ADAMTS12: variants seen among roughly 807,000 people sequenced by gnomAD.
ADAMTS12 encodes A disintegrin and metalloproteinase with thrombospondin motifs 12.
Under a neutral mutation model 167.8 loss-of-function variants are expected in ADAMTS12, and 118 were observed. The ratio of observed to expected loss-of-function variants is 0.70; its 90% CI spans 0.61 to 0.82. The LOEUF (loss-of-function observed/expected upper bound fraction) is 0.82, where lower values mean the gene tolerates loss of function less well. Ranked by LOEUF, ADAMTS12 falls within the 40% of genes least tolerant of loss-of-function variation. ADAMTS12 has a pLI of 0.00. For synonymous variants in ADAMTS12, 704 were observed against 716.9 expected, an observed-to-expected ratio of 0.98 and a Z score of 0.29; for missense variants, 1,916 against 1,998.8, an observed-to-expected ratio of 0.96 and a Z score of 0.79.
intron 19 of ADAMTS12, among the ~76,000 whole-genome samples, chr5:33,567,191 G>A (rs1002303247): frequency 6.6e-6 from 1 of 152,134 alleles, no homozygotes; most frequent in Non-Finnish European, 1.5e-5. Flanking sequence ...TATTTTAATG[G>A]TTCTGATATC....
rs577278159 is a variant in ADAMTS12 at position 33,714,765 on chromosome 5, A to T, written c.635-30710T>A. ...AAAAGTTGATCTCATAGAAGTAAAGAGTAGAATGATAGTTATCAGAGGTTG... is the reference window on the plus strand; with the variant it reads ...AAAAGTTGATCTCATAGAAGTAAAGTGTAGAATGATAGTTATCAGAGGTTG... On this transcript the variant is annotated intron_variant, in intron 3 of 23. Transcript: ENST00000504830. 2.5e-4 allele frequency among the ~76,000 whole-genome samples: 38 copies of T among 152,224 alleles called. 1 individual carries two copies. The South Asian group carries it at 3.5e-3, about 14-fold the overall frequency.
intron 2 of ADAMTS12, among the ~76,000 whole-genome samples, chr5:33,872,640 A>G (rs192942190): frequency 2.0e-5 from 3 of 152,272 alleles, no homozygotes; most frequent in Admixed American, 1.3e-4. Context: ...AACTGAACCC[A>G]ACAATGTATA....
intron 5 of ADAMTS12, 68 bp from the exon 6 acceptor site, chr5:33,662,108 A>G: frequency 6.3e-7 from 1 of 1,575,064 alleles, no homozygotes; most frequent in South Asian, 1.1e-5. Flanking sequence ...TGCATTAGGC[A>G]TTCATCTCCA....
intron 21 of ADAMTS12, among the ~76,000 whole-genome samples, chr5:33,547,702 C>G (rs1226530009): frequency 1.3e-5 from 2 of 152,092 alleles, no homozygotes; most frequent in East Asian, 3.9e-4. Context: ...CTTCAGGGAG[C>G]AGGTTCCTGA....
At chr5:33,728,070 C>T (rs957308229) in intron 3 of ADAMTS12, among the ~76,000 whole-genome samples, 5 of 152,122 alleles carry the variant, frequency 3.3e-5, no homozygotes, top group African/African-American at 4.8e-5. Context: ...TTGGCTCATA[C>T]CCTGGAGTGT....
intron 2 of ADAMTS12, among the ~76,000 whole-genome samples, chr5:33,877,355 G>A (rs913726154): frequency 1.3e-5 from 2 of 152,130 alleles, no homozygotes; most frequent in African/African-American, 4.8e-5. Context: ...TCTGCACGAG[G>A]GTGGATATCT....
At chr5:33,757,703 T>C (rs1444609716) in intron 2 of ADAMTS12, among the ~76,000 whole-genome samples, 1 of 152,108 alleles carries the variant, frequency 6.6e-6, no homozygotes, top group Non-Finnish European at 1.5e-5. Context: ...TATGATATGG[T>C]TGAATAGAAA....
At chr5:33,699,706 T>C (rs973959941) in intron 3 of ADAMTS12, among the ~76,000 whole-genome samples, 1 of 152,150 alleles carries the variant, frequency 6.6e-6, no homozygotes, top group Admixed American at 6.5e-5. Context: ...AAATAGTGAA[T>C]TGTATGCAAA....
At chr5:33,793,874 T>C (rs1426106620) in intron 2 of ADAMTS12, among the ~76,000 whole-genome samples, 1 of 152,168 alleles carries the variant, frequency 6.6e-6, no homozygotes, top group Non-Finnish European at 1.5e-5. Flanking sequence ...GCTTTAGTTC[T>C]TCCCCCCTCC....
chr5:33,729,790 C>G lies in ADAMTS12; in HGVS notation c.634+21614G>C, dbSNP rs115868692. Among the ~76,000 whole-genome samples the G allele has an allele frequency of 6.7e-3, 1,026 of 152,222 alleles. 10 individuals are homozygous for G. Among genetic ancestry groups the G allele is most frequent in the African/African-American group, 0.024 (993 of 41,530 alleles). On this transcript the variant is annotated intron_variant, in intron 3 of 23. Transcript: ENST00000504830. ...TGGCAGAGTGTCCCAAAGTTTCTCT[C>G]TAAATAAAGGAAGAGACACTGGCAG... is the stretch of plus-strand genomic sequence containing the variant.
chr5:33,578,171 T>G (rs1167813576), intron 18 of ADAMTS12, among the ~76,000 whole-genome samples: 1 of 152,244 alleles, frequency 6.6e-6, no homozygotes, highest in African/African-American at 2.4e-5. Flanking sequence ...CTGGTCATTT[T>G]ACATTTCTCT....
chr5:33,540,692 G>C (rs949311301), intron 22 of ADAMTS12, among the ~76,000 whole-genome samples: 2 of 152,216 alleles, frequency 1.3e-5, no homozygotes, highest in Admixed American at 6.5e-5. Flanking sequence ...AGGCAAACAG[G>C]GTCTGGAGTG....
chr5:33,557,397 G>A (rs1338452162), intron 20 of ADAMTS12, among the ~76,000 whole-genome samples: 2 of 152,146 alleles, frequency 1.3e-5, no homozygotes, highest in African/African-American at 4.8e-5. Context: ...GATTTTGAAG[G>A]TCTGCCACAA....
Position 33,781,936 on chromosome 5 carries a change from G to A in ADAMTS12, c.490-30388C>T, listed in dbSNP as rs187089353. Among the ~76,000 whole-genome samples the A allele has an allele frequency of 6.2e-3, 933 of 151,086 alleles. 14 individuals carry two copies. Among genetic ancestry groups the A allele is most frequent in the African/African-American group, 0.021 (873 of 41,086 alleles). ...AATTCCCACCTATGAGTGAGAACAT[G>A]CGGTGTTTGGTTTTTTGTTCTTGCG... On this transcript the variant is annotated intron_variant, in intron 2 of 23. Transcript: ENST00000504830.
At chr5:33,617,603 T>C (rs966428603) in intron 14 of ADAMTS12, among the ~76,000 whole-genome samples, 5 of 152,174 alleles carry the variant, frequency 3.3e-5, no homozygotes, top group African/African-American at 1.2e-4. Context: ...CGGGAAGATA[T>C]TGATCACATG....
intron 2 of ADAMTS12, among the ~76,000 whole-genome samples, chr5:33,867,531 C>T (rs113632455): frequency 2.9e-4 from 44 of 151,908 alleles, no homozygotes; most frequent in African/African-American, 9.7e-4. Context: ...TTGGGTGATG[C>T]GTGCACTAAA....
intron 5 of ADAMTS12, among the ~76,000 whole-genome samples, chr5:33,681,979 T>C (rs1742136682): frequency 6.6e-6 from 1 of 152,242 alleles, no homozygotes; most frequent in South Asian, 2.1e-4. Context: ...CTTCAGTTTG[T>C]ATTTAAAATG....
intron 7 of ADAMTS12, among the ~76,000 whole-genome samples, 186 bp downstream of exon 7, chr5:33,657,998 A>G (rs577964230): frequency 1.2e-4 from 19 of 152,190 alleles, no homozygotes; most frequent in African/African-American, 4.3e-4. Flanking sequence ...GAGACAATGG[A>G]GCCCATGAGG....
At chr5:33,874,834 C>G (rs1202880929) in intron 2 of ADAMTS12, among the ~76,000 whole-genome samples, 2 of 152,154 alleles carry the variant, frequency 1.3e-5, no homozygotes, top group African/African-American at 4.8e-5. Context: ...CTTTGGGAGG[C>G]TGAGGTGGGC....
Sources: allele counts gnomAD v4.1 joint callset (sites outside exome capture counted in the v4.1 genomes callset), GRCh38; gene constraint gnomAD v4.1.1; transcripts MANE v1.5; gene names NCBI Gene and HGNC (gene_info 2026-07-23, HGNC 2026-07-21).